Variants in SLC8A1 observed in about 807,000 individuals in gnomAD.
SLC8A1 encodes sodium/calcium exchanger 1.
SLC8A1 carries 18 observed loss-of-function variants against 68.3 expected under a neutral mutation model. That is an observed-to-expected ratio of 0.26 (90% CI 0.18 to 0.39). The LOEUF is 0.39. Ranked by LOEUF, SLC8A1 falls within the 10% of genes least tolerant of loss-of-function variation. SLC8A1 has a pLI of 1.00. For synonymous variants in SLC8A1, 475 were observed against 415.5 expected (o/e 1.14, Z -1.74); for missense variants, 985 against 1,156.7 (o/e 0.85, Z 2.15).
At chr2:40,129,206 C>A (rs763495864) in intron 7 of SLC8A1, among the ~76,000 whole-genome samples, 2 of 151,246 alleles carry the variant, frequency 1.3e-5, no homozygotes, top group Non-Finnish European at 2.9e-5. Context: ...AACAACCCAC[C>A]AGAAAACAGT....
intron 1 of SLC8A1, among the ~76,000 whole-genome samples, chr2:40,474,598 G>T (rs904639020): frequency 6.6e-6 from 1 of 152,130 alleles, no homozygotes; most frequent in South Asian, 2.1e-4. Context: ...TACTAAATTG[G>T]CTATGACAGT....
chr2:40,434,521 T>C (rs1315612073), intron 1 of SLC8A1, among the ~76,000 whole-genome samples: 1 of 152,136 alleles, frequency 6.6e-6, no homozygotes, highest in Non-Finnish European at 1.5e-5. Context: ...AATATACATT[T>C]CCATACAAAT....
At chr2:40,285,318 G>T (rs1328173524) in intron 2 of SLC8A1, among the ~76,000 whole-genome samples, 1 of 152,120 alleles carries the variant, frequency 6.6e-6, no homozygotes, top group Non-Finnish European at 1.5e-5. Flanking sequence ...TAAGATAAGG[G>T]TTCTTTGTAA....
chr2:40,167,000 G>T (rs2192919), intron 4 of SLC8A1, among the ~76,000 whole-genome samples: 65,150 of 152,014 alleles, frequency 0.43, 15,096 homozygotes, highest in Non-Finnish European at 0.53. Context: ...GGGACTCAAG[G>T]CAATCTACCT....
At chr2:40,504,651 G>T (rs1419637969) in intron 1 of SLC8A1, among the ~76,000 whole-genome samples, 1 of 151,998 alleles carries the variant, frequency 6.6e-6, no homozygotes, top group Non-Finnish European at 1.5e-5. Flanking sequence ...AATGGCAGCA[G>T]ATTTGAATAG....
chr2:40,384,240 G>A (rs1490222226), intron 2 of SLC8A1, among the ~76,000 whole-genome samples: 2 of 151,964 alleles, frequency 1.3e-5, no homozygotes, highest in Non-Finnish European at 2.9e-5. Flanking sequence ...CTGGGAGACC[G>A]AGCAAGACCC....
At chr2:40,165,016 T>C (rs1259026610) in intron 4 of SLC8A1, 32 bp from the exon 8 acceptor site, 1 of 1,612,494 alleles carries the variant, frequency 6.2e-7, no homozygotes, top group Non-Finnish European at 8.5e-7. Flanking sequence ...GAGTGAGCAC[T>C]GTGTTCTGTT....
Position 40,139,682 on chromosome 2 carries a change from G to C in SLC8A1, c.2162-6C>G, listed in dbSNP as rs1558498730. The C allele has an allele frequency of 6.2e-7, 1 of 1,610,966 alleles. No homozygotes were observed. The highest frequency in any genetic ancestry group is 1.1e-5 in the South Asian group (1 of 90,822). ...ATCGTCGTCATCATCTTCCCCTAGA[G>C]AGAATGGAAGGAAGCACATTTCATC... is the stretch of plus-strand genomic sequence containing the variant. On this transcript the variant is annotated splice_region_variant and splice_polypyrimidine_tract_variant and intron_variant, in intron 6 of 7. Transcript: ENST00000406785.
chr2:40,408,731 G>C (rs1691161254), intron 2 of SLC8A1, among the ~76,000 whole-genome samples: 1 of 152,006 alleles, frequency 6.6e-6, no homozygotes, highest in Admixed American at 6.6e-5. Flanking sequence ...ATTTCGAAGG[G>C]GCACCAGTTA....
Position 40,424,733 on chromosome 2 carries a change from G to T in SLC8A1, c.1808+3740C>A, listed in dbSNP as rs10178434. ...GTAAATAATCTAACTTGCATACTCT[G>T]ATTTTTCAACTCTGTACTTTAAATA... On this transcript the variant is annotated intron_variant, in intron 2 of 7. Transcript: ENST00000406785. 1.5e-3 allele frequency among the ~76,000 whole-genome samples: 230 copies of T among 151,840 alleles called. 1 individual carries two copies. The highest frequency in any genetic ancestry group is 5.4e-3 in the African/African-American group (226 of 41,530).
At chr2:40,166,677 A>C (rs2046602176) in intron 4 of SLC8A1, among the ~76,000 whole-genome samples, 1 of 152,204 alleles carries the variant, frequency 6.6e-6, no homozygotes, top group Admixed American at 6.5e-5. Flanking sequence ...TAGTCAAGAG[A>C]GGTGGCTGAG....
chr2:40,114,661 T>G (rs1395779413), exon 8 of SLC8A1: 1 of 152,666 alleles, frequency 6.6e-6, no homozygotes, highest in East Asian at 1.9e-4. Context: ...TGGAGGCAGC[T>G]TCACCTCCAC....
At chr2:40,307,072 C>A (rs2072766789) in intron 2 of SLC8A1, among the ~76,000 whole-genome samples, 1 of 151,974 alleles carries the variant, frequency 6.6e-6, no homozygotes, top group Non-Finnish European at 1.5e-5. Flanking sequence ...GCACTGTCCA[C>A]AATAGCCAAG....
intron 2 of SLC8A1, among the ~76,000 whole-genome samples, chr2:40,303,417 T>C (rs1200600764): frequency 1.3e-5 from 2 of 152,176 alleles, no homozygotes; most frequent in African/African-American, 4.8e-5. Context: ...AGGCACCCAT[T>C]GATAGCTTTG....
At chr2:40,418,064 T>C (rs530747144) in intron 2 of SLC8A1, among the ~76,000 whole-genome samples, 4 of 152,290 alleles carry the variant, frequency 2.6e-5, no homozygotes, top group African/African-American at 7.2e-5. Context: ...ACAATAGCTA[T>C]AGAAGTCATG....
intron 2 of SLC8A1, among the ~76,000 whole-genome samples, chr2:40,290,764 T>C (rs1255473550): frequency 3.3e-5 from 5 of 152,210 alleles, no homozygotes; most frequent in Admixed American, 3.3e-4. Context: ...AACAACTTTC[T>C]TCTCTTTATT....
intron 2 of SLC8A1, among the ~76,000 whole-genome samples, chr2:40,186,645 A>G (rs754193723): frequency 3.9e-5 from 6 of 152,176 alleles, no homozygotes; most frequent in Non-Finnish European, 2.9e-5. Context: ...CATGACTTAA[A>G]TCTATTGTTT....
At chr2:40,267,847 G>C (rs1349780160) in intron 2 of SLC8A1, among the ~76,000 whole-genome samples, 1 of 152,114 alleles carries the variant, frequency 6.6e-6, no homozygotes, top group Non-Finnish European at 1.5e-5. Flanking sequence ...TTTGCAGAGA[G>C]TCCCTTCTCT....
intron 2 of SLC8A1, among the ~76,000 whole-genome samples, chr2:40,356,376 A>C (rs1293602148): frequency 6.6e-6 from 1 of 152,234 alleles, no homozygotes; most frequent in Non-Finnish European, 1.5e-5. Context: ...CTCAAAGACC[A>C]CAGAGAATCT....
Sources: gnomAD v4.1 joint callset for allele counts (sites outside exome capture counted in the v4.1 genomes callset) on GRCh38, gnomAD v4.1.1 for gene constraint, MANE v1.5 for transcripts, NCBI Gene and HGNC (gene_info 2026-07-23, HGNC 2026-07-21) for gene names.